The following ZNRF3 variants were observed in gnomAD, a reference collection of about 807,000 sequenced individuals.
The protein encoded by ZNRF3 is zinc and ring finger 3, also known as E3 ubiquitin-protein ligase ZNRF3.
Under a neutral mutation model 72.5 loss-of-function variants are expected in ZNRF3, and 23 were observed. The observed-to-expected ratio is 0.32, with a 90% CI of 0.23 to 0.45. ZNRF3 has a LOEUF of 0.45. ZNRF3 is among the 20% of genes least tolerant of loss of function. ZNRF3 has a pLI of 1.00. For missense variants in ZNRF3, 1,169 were observed against 1,272.1 expected, an observed-to-expected ratio of 0.92 and a Z score of 1.23; for synonymous variants, 610 against 545.3, an observed-to-expected ratio of 1.12 and a Z score of -1.65.
chr22:28,900,789 G>A (rs1289075073), intron 1 of ZNRF3, among the ~76,000 whole-genome samples: 5 of 152,112 alleles, frequency 3.3e-5, no homozygotes, highest in Non-Finnish European at 7.4e-5. Context: ...ACCTCCTTCC[G>A]GGCAGGGTTG....
rs1277229488 is a variant in ZNRF3, at chr22:29,049,333, G to C, written c.1152G>C (p.Arg384Ser). The change falls in exon 8 of 9, where the codon AGG (arginine) becomes AGC (serine). Residue 384 changes from arginine to serine, a missense_variant. Arg to Ser is a moderately radical substitution (Grantham distance 110). Coordinates refer to ENST00000544604, the MANE Select transcript of ZNRF3 (RefSeq NM_001206998.2). This position sits in a 1 kb window ranked among gnomAD's most constrained non-coding sequence, Gnocchi z 5.2. ...ACGCCATCCCAGCCTACCCTACGAG[G>C]ACAAGCATGGACTCCCACGGCAACC... ...RTNAIPAYPT[R>S]TSMDSHGNPV... is the part of the protein sequence containing the mutation. 6.2e-7 allele frequency: 1 copy of C among 1,613,802 alleles called. No homozygotes were observed. The highest frequency in any genetic ancestry group is 8.5e-7 in the Non-Finnish European group (1 of 1,180,014).
At chr22:28,938,990 A>G (rs1028841645) in intron 1 of ZNRF3, among the ~76,000 whole-genome samples, 6 of 152,176 alleles carry the variant, frequency 3.9e-5, no homozygotes, top group Non-Finnish European at 8.8e-5. Context: ...TTTGGTATTA[A>G]TATCTCAAAA....
chr22:29,042,244 A>T (rs978749513), intron 2 of ZNRF3, among the ~76,000 whole-genome samples: 8 of 152,238 alleles, frequency 5.3e-5, no homozygotes, highest in African/African-American at 1.9e-4. Context: ...TCAAACATTT[A>T]TCACTTCTTT....
At chr22:28,980,475 C>T (rs1198521967) in intron 1 of ZNRF3, among the ~76,000 whole-genome samples, 2 of 152,218 alleles carry the variant, frequency 1.3e-5, no homozygotes, top group Admixed American at 6.5e-5. Context: ...TCTCAAATCT[C>T]ATTCCTTCCT....
intron 1 of ZNRF3, among the ~76,000 whole-genome samples, chr22:28,952,556 G>A (rs2035184670): frequency 6.8e-6 from 1 of 147,264 alleles, no homozygotes; most frequent in African/African-American, 2.5e-5. Flanking sequence ...CTTTGGAAAA[G>A]TGTTCCCATT....
In ZNRF3 at chr22:29,050,885, G is replaced by T; in HGVS notation, c.2704G>T (p.Ala902Ser). 6.3e-7 allele frequency: 1 copy of T among 1,584,866 alleles called. No individual in the cohort carries two copies. The highest frequency in any genetic ancestry group is 8.5e-7 in the Non-Finnish European group (1 of 1,172,036). ...CPPEEAGAVR[A>S]NFPSALQDTQ... ...TCCGGAGGAGGCGGGTGCTGTCAGGGCCAACTTCCCTAGTGCCCTCCAGGA... is the reference window on the plus strand; with the variant it reads ...TCCGGAGGAGGCGGGTGCTGTCAGGTCCAACTTCCCTAGTGCCCTCCAGGA... Residue 902 changes from alanine (A) to serine (S), a missense_variant, in exon 8 of 9, where the codon GCC (alanine) becomes TCC (serine). Around this residue, in one of 2 missense-constraint regions of ZNRF3, gnomAD observed 783 missense variants for 731.4 expected, o/e 1.07. Transcript: ENST00000544604.
intron 2 of ZNRF3, among the ~76,000 whole-genome samples, chr22:29,034,042 C>T (rs936428872): frequency 2.0e-5 from 3 of 152,198 alleles, no homozygotes; most frequent in African/African-American, 7.2e-5. Context: ...CTGCCCCCTT[C>T]GGTCACACTA....
Position 29,050,128 on chromosome 22 carries a change from C to A in ZNRF3, c.1947C>A (p.Gly649=), listed in dbSNP as rs774415074. The A allele has an allele frequency of 6.8e-6, 11 of 1,606,218 alleles. No individual in the cohort carries two copies. Among genetic ancestry groups the A allele is most frequent in the Non-Finnish European group, 8.5e-6 (10 of 1,179,796 alleles). ...HGAGRGEPWP[G]PASPSGDQVS... is the part of the protein sequence containing the mutation. ...CTGGGCGGGGCGAGCCTTGGCCGGG[C>A]CCTGCCTCTCCCTCGGGGGATCAGG... The change falls in exon 8 of 9, where the codon GGC becomes GGA. Residue 649 remains glycine (G), a synonymous_variant. Transcript: ENST00000544604.
At chr22:28,991,482 T>C (rs1025236259) in intron 2 of ZNRF3, among the ~76,000 whole-genome samples, 2 of 151,926 alleles carry the variant, frequency 1.3e-5, no homozygotes, top group South Asian at 4.2e-4. Flanking sequence ...CATTCTCCTC[T>C]GTGCAGCAGG....
At chr22:28,975,065 T>C (rs2035644756) in intron 1 of ZNRF3, among the ~76,000 whole-genome samples, 1 of 152,250 alleles carries the variant, frequency 6.6e-6, no homozygotes, top group Admixed American at 6.5e-5. Context: ...GGGGAACTTT[T>C]TTTTTCTTTC....
chr22:28,891,050 T>A (rs1379585898), intron 1 of ZNRF3, among the ~76,000 whole-genome samples: 4 of 152,206 alleles, frequency 2.6e-5, no homozygotes, highest in Non-Finnish European at 1.5e-5. Context: ...AGCCACCATA[T>A]CTGGTCAGAA....
chr22:28,963,982 A>C (rs1433484517), intron 1 of ZNRF3, among the ~76,000 whole-genome samples: 2 of 152,154 alleles, frequency 1.3e-5, no homozygotes, highest in Non-Finnish European at 2.9e-5. Context: ...GACTTTTTGC[A>C]CTTCTGTGTT....
At position 29,054,333 on chromosome 22, in the gene ZNRF3, G is replaced by C. The variant is rs1181601519; in HGVS notation, c.*711G>C. The C allele has an allele frequency of 6.6e-6, 1 of 152,338 alleles. No individual in the cohort carries two copies. Among genetic ancestry groups the C allele is most frequent in the Admixed American group, 6.5e-5 (1 of 15,290 alleles). The allele number at this position is 152,338 out of a possible 1,614,324, so 9.4% of individuals were successfully genotyped here. ...CCACAGCCCTGCGGAGCCAGGTCAAGCCGCTGCTATGAAAGCTCCAGGGTG... is the reference window on the plus strand; with the variant it reads ...CCACAGCCCTGCGGAGCCAGGTCAACCCGCTGCTATGAAAGCTCCAGGGTG... On this transcript the variant is annotated 3_prime_UTR_variant, in exon 9 of 9. Transcript: ENST00000544604.
chr22:28,982,433 C>CAAAAAAAAA (rs61589852), intron 1 of ZNRF3, among the ~76,000 whole-genome samples: 4 of 76,480 alleles, frequency 5.2e-5, no homozygotes, highest in Non-Finnish European at 7.4e-5. Context: ...CCTGTCTCTA[C>CAAAAAAAAA]AAAAAAAAAA....
intron 1 of ZNRF3, among the ~76,000 whole-genome samples, chr22:28,922,558 C>T (rs180931173): frequency 2.6e-5 from 4 of 152,222 alleles, no homozygotes; most frequent in African/African-American, 4.8e-5. Flanking sequence ...TTTCTTGACC[C>T]TTTCTGTAGT....
At position 29,056,029 on chromosome 22, in the gene ZNRF3, T is replaced by C. The variant is rs901634578; in HGVS notation, c.*2407T>C. 9.2e-5 allele frequency: 14 copies of C among 152,214 alleles called. No individual in the cohort carries two copies. The highest frequency in any genetic ancestry group is 2.4e-4 in the African/African-American group (10 of 41,452). The allele number at this position is 152,214 out of a possible 1,614,324, so 9.4% of individuals were successfully genotyped here. ...AGCTGCAGATGGCGAAAGAAACCCA[T>C]TTAATTTTTGTAGCTTACAGGTGGT... On this transcript the variant is annotated 3_prime_UTR_variant, in exon 9 of 9. Transcript: ENST00000544604.
At chr22:28,890,940 A>G (rs1179894301) in intron 1 of ZNRF3, among the ~76,000 whole-genome samples, 1 of 151,786 alleles carries the variant, frequency 6.6e-6, no homozygotes, top group East Asian at 1.9e-4. Flanking sequence ...TATTTTTTGT[A>G]GGTATAGGGT....
At chr22:28,921,868 A>G (rs931474293) in intron 1 of ZNRF3, among the ~76,000 whole-genome samples, 13 of 152,202 alleles carry the variant, frequency 8.5e-5, no homozygotes, top group African/African-American at 3.1e-4. Flanking sequence ...GATTAACTAG[A>G]GAGATTTTTA....
chr22:28,949,459 TATACTG>T (rs1044065200), intron 1 of ZNRF3, among the ~76,000 whole-genome samples: 1 of 152,042 alleles, frequency 6.6e-6, no homozygotes, highest in African/African-American at 2.4e-5. Context: ...ATTTTTTTTT[TATACTG>T]ATGGGGTTTC....
Sources: allele counts gnomAD v4.1 joint callset (sites outside exome capture counted in the v4.1 genomes callset), GRCh38; gene constraint gnomAD v4.1.1; regional missense constraint gnomAD v4.1.1; non-coding constraint Gnocchi (gnomAD v3.1); transcripts MANE v1.5; gene names NCBI Gene and HGNC (gene_info 2026-07-23, HGNC 2026-07-21).